Variants in ATP8B3 observed in about 807,000 individuals in gnomAD.
ATP8B3 encodes the protein phospholipid-transporting ATPase IK.
A neutral mutation model predicts 140.9 loss-of-function variants in ATP8B3; 141 were observed. The ratio of observed to expected loss-of-function variants is 1.00; its 90% confidence interval spans 0.87 to 1.15. The LOEUF (loss-of-function observed/expected upper bound fraction) is 1.15. Ranked by LOEUF, ATP8B3 falls within the 50% of genes most tolerant of loss-of-function variation. The pLI is 0.00. For missense variants in ATP8B3, 1,874 were observed against 1,740.6 expected, an observed-to-expected ratio of 1.08 and a Z score of -1.36; for synonymous variants, 765 against 714.6, an observed-to-expected ratio of 1.07 and a Z score of -1.13.
intron 24 of ATP8B3, among the ~76,000 whole-genome samples, chr19:1,788,318 A>G (rs1271218257): frequency 6.6e-6 from 1 of 152,174 alleles, no homozygotes; most frequent in African/African-American, 2.4e-5. Flanking sequence ...AACTCTCCCC[A>G]GAAGAGGAGG....
rs920059661 is a variant in ATP8B3 at position 1,798,160 on chromosome 19, G to A, written c.1553-1155C>T. Among the ~76,000 whole-genome samples, 19 of 151,700 alleles carry A rather than the reference G, an allele frequency of 1.3e-4. 1 individual carries two copies. The highest frequency in any genetic ancestry group is 2.9e-4 in the African/African-American group (12 of 41,176). On this transcript the variant is annotated intron_variant, in intron 14 of 28. Coordinates refer to ENST00000310127, the MANE Select transcript of ATP8B3 (RefSeq NM_138813.4). ...TAATTTTTGTATTTTTAGTAGAGACGGGGTTTTGTCATGTTGGCCAGGCTG... is the reference window on the plus strand; with the variant it reads ...TAATTTTTGTATTTTTAGTAGAGACAGGGTTTTGTCATGTTGGCCAGGCTG...
rs116001198 is a variant in ATP8B3 at position 1,809,569 on chromosome 19, G to A, written c.402+74C>T. The A allele has an allele frequency of 3.2e-3, 4,159 of 1,317,076 alleles. 92 individuals are homozygous for A. In the African/African-American group the frequency reaches 0.051, roughly 16 times the overall value. The allele number at this position is 1,317,076 out of a possible 1,614,324, so 81.6% of individuals were successfully genotyped here. On this transcript the variant is annotated intron_variant, in intron 4 of 28. Transcript: ENST00000310127. ...TACAAGCAGAGGCAGGACTCAGGAGGAGCAAAAAATAGATTCCCCGAGGGT... is the reference window on the plus strand; with the variant it reads ...TACAAGCAGAGGCAGGACTCAGGAGAAGCAAAAAATAGATTCCCCGAGGGT...
At position 1,790,837 on chromosome 19, in the gene ATP8B3, G is replaced by C. The variant is rs768189498; in HGVS notation, c.2303-5C>G. 1 of 1,594,448 alleles carries C rather than the reference G, an allele frequency of 6.3e-7. No homozygotes were observed. The highest frequency in any genetic ancestry group is 8.5e-7 in the Non-Finnish European group (1 of 1,172,232). ...AGCCGATGTTCACAGCCGTTTCTGC[G>C]AAGCAGACCAGCTCAGCGCCTCTGC... On this transcript the variant is annotated splice_polypyrimidine_tract_variant and splice_region_variant and intron_variant, in intron 20 of 28. Coordinates refer to ENST00000310127, the MANE Select transcript of ATP8B3 (RefSeq NM_138813.4).
At position 1,791,998 on chromosome 19, in the gene ATP8B3, C is replaced by T. The variant is rs1457557480; in HGVS notation, c.2190+3G>A. 1 of 1,370,790 alleles carries T rather than the reference C, an allele frequency of 7.3e-7. No individual in the cohort carries two copies. The highest frequency in any genetic ancestry group is 1.2e-5 in the South Asian group (1 of 82,232). The allele number at this position is 1,370,790 out of a possible 1,614,324, so 84.9% of individuals were successfully genotyped here. On this transcript the variant is annotated splice_donor_region_variant and intron_variant, in intron 19 of 28. Coordinates refer to ENST00000310127, the MANE Select transcript of ATP8B3 (RefSeq NM_138813.4). ...TGAGGTCCTGCTCCATCTCGTTGTA[C>T]ACCTGTTGCAGGGCCTGTGCCCGGT...
chr19:1,798,229 G>A (rs192498409), intron 14 of ATP8B3, among the ~76,000 whole-genome samples: 16 of 151,792 alleles, frequency 1.1e-4, no homozygotes, highest in East Asian at 1.9e-4. Flanking sequence ...CCTCAACCTC[G>A]GGCCCATTTT....
chr19:1,786,921 G>T (rs961935867), intron 25 of ATP8B3, among the ~76,000 whole-genome samples, 182 bp downstream of exon 25: 1 of 152,326 alleles, frequency 6.6e-6, no homozygotes, highest in Admixed American at 6.5e-5. Flanking sequence ...CGGGATGAGC[G>T]TAGGCTCCGG....
chr19:1,809,626 C>T lies in ATP8B3; in HGVS notation c.402+17G>A, dbSNP rs370500388. 47 of 1,587,604 alleles carry T rather than the reference C, an allele frequency of 3.0e-5. No individual in the cohort carries two copies. Among genetic ancestry groups the T allele is most frequent in the South Asian group, 2.2e-4 (19 of 87,486 alleles). On this transcript the variant is annotated intron_variant, in intron 4 of 28. Coordinates refer to ENST00000310127, the MANE Select transcript of ATP8B3 (RefSeq NM_138813.4). ...GCAGCTCCTCTGGAGCAGGGAGGCG[C>T]GGGAGGGGCCGCCCACCTTGTATTT...
At chr19:1,804,101 G>A (rs1189135584) in intron 10 of ATP8B3, among the ~76,000 whole-genome samples, 1 of 152,188 alleles carries the variant, frequency 6.6e-6, no homozygotes, top group East Asian at 1.9e-4. Flanking sequence ...TTCACAATAA[G>A]ATAAGAAAAC....
chr19:1,783,215 G>A lies in ATP8B3; in HGVS notation c.3716C>T (p.Pro1239Leu), dbSNP rs116586018. The change falls in exon 29 of 29, where the codon CCT (proline) becomes CTT (leucine). Residue 1239 changes from proline to leucine, a missense_variant. Pro to Leu is a moderately conservative substitution (Grantham distance 98). Transcript: ENST00000310127. Reference protein sequence around the residue: ...SEEIFTMEPLPHVHRESRARR... With the variant: ...SEEIFTMEPLLHVHRESRARR... The stretch of plus-strand genomic sequence containing the variant: ...GGCACGAGACTCCCGGTGTACATGA[G>A]GCAAGGGCTCCATGGTGAAAATCTC... 181 of 1,612,394 alleles carry A rather than the reference G, an allele frequency of 1.1e-4. No individual in the cohort carries two copies. The African/African-American group carries it at 2.2e-3, about 20-fold the overall frequency.
intron 24 of ATP8B3, among the ~76,000 whole-genome samples, chr19:1,787,728 T>TAAAA (rs561418063): frequency 2.8e-4 from 34 of 119,774 alleles, no homozygotes; most frequent in African/African-American, 5.9e-4. Flanking sequence ...AAACTCTGTC[T>TAAAA]AAAAAAAAAA....
At chr19:1,790,635 CCTCT>C in intron 21 of ATP8B3, 118 bp downstream of exon 21, 1 of 691,760 alleles carries the variant, frequency 1.4e-6, no homozygotes, top group Non-Finnish European at 2.2e-6. Flanking sequence ...CCTTCCCTCC[CCTCT>C]CAATCCCCCC....
Position 1,785,705 on chromosome 19 carries a change from C to T in ATP8B3, c.3157G>A (p.Val1053Met), listed in dbSNP as rs778738154. The T allele has an allele frequency of 2.5e-5, 39 of 1,589,076 alleles. No homozygotes were observed. Among genetic ancestry groups the T allele is most frequent in the East Asian group, 2.3e-4 (10 of 43,656 alleles). Reference protein sequence around the residue: ...VLYIGLFEQDVSAEQSLEKPE... With the variant: ...VLYIGLFEQDMSAEQSLEKPE... ...TTCTCCAGGCTCTGCTCTGCGCTCA[C>T]GTCCTTGGGGCAAGCAGAAGCTCTT... Residue 1053 changes from valine (V) to methionine (M), a missense_variant, in exon 26 of 29, where the codon GTG becomes ATG. By Grantham distance (21) the Val-to-Met change is conservative (BLOSUM62 1). Transcript: ENST00000310127.
chr19:1,807,003 C>T lies in ATP8B3; in HGVS notation c.615+165G>A, dbSNP rs1258953312. Among the ~76,000 whole-genome samples, 5 of 152,148 alleles carry T rather than the reference C, an allele frequency of 3.3e-5. No homozygotes were observed. The East Asian group carries it at 7.7e-4, about 23-fold the overall frequency. On this transcript the variant is annotated intron_variant, in intron 6 of 28. Transcript: ENST00000310127. The surrounding 1 kb of genome is among the most constrained non-coding windows in gnomAD (Gnocchi z 5.9). ...CTGCGGCACCTGCCCAATGTGGGTG[C>T]TAGCAGATAAGGACAATGTAGCCCC...
intron 2 of ATP8B3, among the ~76,000 whole-genome samples, chr19:1,811,012 C>T (rs1178615361): frequency 6.6e-6 from 1 of 152,234 alleles, no homozygotes; most frequent in East Asian, 1.9e-4. Flanking sequence ...GCCATGCCAG[C>T]CTCCGGCCAC....
In ATP8B3 at chr19:1,796,033, C is replaced by T. The variant is rs374906581; in HGVS notation, c.1942+44G>A. 4 of 1,611,414 alleles carry T rather than the reference C, an allele frequency of 2.5e-6. No individual in the cohort carries two copies. In the African/African-American group the frequency reaches 5.3e-5, roughly 22 times the overall value. ...CTGCCCACAGAGGCTCCCCGTCTGCCCGCCCCACCTTGGGGGGCCCAGGGC... is the reference window on the plus strand; with the variant it reads ...CTGCCCACAGAGGCTCCCCGTCTGCTCGCCCCACCTTGGGGGGCCCAGGGC... On this transcript the variant is annotated intron_variant, in intron 17 of 28. Transcript: ENST00000310127.
chr19:1,808,196 T>A, intron 5 of ATP8B3, 26 bp downstream of exon 5: 3 of 1,569,114 alleles, frequency 1.9e-6, no homozygotes, highest in Non-Finnish European at 2.6e-6. Context: ...TAGGGGGGAC[T>A]TCCTGGAGGA....
At position 1,782,343 on chromosome 19, in the gene ATP8B3, G is replaced by T; in HGVS notation, c.*685C>A. 1 of 306,256 alleles carries T rather than the reference G, an allele frequency of 3.3e-6. No individual in the cohort carries two copies. The highest frequency in any genetic ancestry group is 6.0e-6 in the Non-Finnish European group (1 of 166,076). The allele number at this position is 306,256 out of a possible 1,614,324, so 19.0% of individuals were successfully genotyped here. A position where few individuals can be genotyped will look rare whatever the true frequency, so the allele number is the denominator to read the frequency against. ...GCAGAGGGCAATGACTGCTCCTCTG[G>T]GGGCAAGGATAGCTGCTCCTCCCCG... On this transcript the variant is annotated 3_prime_UTR_variant, in exon 29 of 29. Coordinates refer to ENST00000310127, the MANE Select transcript of ATP8B3 (RefSeq NM_138813.4).
At chr19:1,789,798 G>C in intron 22 of ATP8B3, 71 bp from the exon 23 acceptor site, 3 of 1,569,196 alleles carry the variant, frequency 1.9e-6, no homozygotes, top group Non-Finnish European at 2.6e-6. Context: ...CCCGGCCCTC[G>C]GCCTCGCCAG....
chr19:1,783,320 A>G, intron 28 of ATP8B3, 50 bp from the exon 29 acceptor site: 2 of 1,570,990 alleles, frequency 1.3e-6, no homozygotes, highest in Non-Finnish European at 1.7e-6. Context: ...TGCTTGGCTG[A>G]TGGCTCTCAG....
Sources: allele counts gnomAD v4.1 joint callset (sites outside exome capture counted in the v4.1 genomes callset), GRCh38; gene constraint gnomAD v4.1.1; non-coding constraint Gnocchi (gnomAD v3.1); transcripts MANE v1.5; gene names NCBI Gene and HGNC (gene_info 2026-07-23, HGNC 2026-07-21).